VPS54: variants seen among roughly 807,000 people sequenced by gnomAD.
The protein encoded by VPS54 is VPS54 subunit of GARP complex.
A neutral mutation model predicts 121.5 loss-of-function variants in VPS54; 45 were observed. The ratio of observed to expected loss-of-function variants is 0.37; its 90% confidence interval spans 0.29 to 0.47. The LOEUF (loss-of-function observed/expected upper bound fraction) is 0.47. Among genes scored for constraint, VPS54 ranks in the 20% least tolerant of loss-of-function variants. The probability of loss-of-function intolerance (pLI) is 0.99; values close to 1 mark genes in which losing one functional copy is unlikely to be tolerated. For synonymous variants in VPS54, 371 were observed against 385.8 expected, an observed-to-expected ratio of 0.96 and a Z score of 0.45; for missense variants, 1,090 against 1,131.4, an observed-to-expected ratio of 0.96 and a Z score of 0.52.
chr2:63,916,862 T>C (rs1188195546), intron 16 of VPS54, 38 bp downstream of exon 16: 1 of 1,599,484 alleles, frequency 6.3e-7, no homozygotes. Flanking sequence ...GTGTTTTAAA[T>C]AGTTGACTCA....
intron 12 of VPS54, among the ~76,000 whole-genome samples, chr2:63,925,972 T>C (rs1286699870): frequency 6.6e-6 from 1 of 152,256 alleles, no homozygotes; most frequent in Non-Finnish European, 1.5e-5. Flanking sequence ...ATGTGCCTTA[T>C]GTTCCAAATG....
chr2:64,012,287 A>C (rs1678464975), intron 1 of VPS54, among the ~76,000 whole-genome samples: 7 of 152,036 alleles, frequency 4.6e-5, no homozygotes, highest in African/African-American at 1.7e-4. Context: ...TTACAAATTT[A>C]TGAGTTCCAA....
At chr2:63,975,480 C>G (rs987828222) in intron 3 of VPS54, 3 of 155,446 alleles carry the variant, frequency 1.9e-5, no homozygotes, top group African/African-American at 4.8e-5. Context: ...GACCCTCCCC[C>G]TAAACTGCTC....
At chr2:63,903,033 T>G (rs1164519103) in intron 20 of VPS54, among the ~76,000 whole-genome samples, 1 of 149,764 alleles carries the variant, frequency 6.7e-6, no homozygotes, top group Non-Finnish European at 1.5e-5. Context: ...ATAAAATAAC[T>G]GATTAACATG....
At chr2:63,913,000 A>T (rs1673219733) in intron 18 of VPS54, among the ~76,000 whole-genome samples, 1 of 152,180 alleles carries the variant, frequency 6.6e-6, no homozygotes, top group South Asian at 2.1e-4. Flanking sequence ...GAGTGGTGTA[A>T]CTTCCAAGTA....
Position 63,892,292 on chromosome 2 carries a change from C to T in VPS54, c.*1138G>A, listed in dbSNP as rs1272737171. 3 of 152,020 alleles carry T rather than the reference C, an allele frequency of 2.0e-5. No homozygotes were observed. The East Asian group carries it at 5.8e-4, about 29-fold the overall frequency. 9.4% of individuals were successfully genotyped at this position (152,020 alleles called of 1,614,324 possible). Reference sequence around the variant, plus strand: ...ACTGTTTCATTATACATAATCACCACAGGATATTAGGCACTCTGACAGGGT... The same window carrying T: ...ACTGTTTCATTATACATAATCACCATAGGATATTAGGCACTCTGACAGGGT... On this transcript the variant is annotated 3_prime_UTR_variant, in exon 23 of 23. Coordinates refer to ENST00000272322, the MANE Select transcript of VPS54 (RefSeq NM_016516.3).
intron 1 of VPS54, among the ~76,000 whole-genome samples, chr2:63,991,635 C>G (rs561057747): frequency 6.6e-6 from 1 of 152,156 alleles, no homozygotes; most frequent in African/African-American, 2.4e-5. Context: ...TTGCTCACGT[C>G]GTCGCAAGGT....
intron 1 of VPS54, among the ~76,000 whole-genome samples, chr2:63,998,251 C>T (rs1297808916): frequency 6.6e-6 from 1 of 152,012 alleles, no homozygotes; most frequent in Non-Finnish European, 1.5e-5. Flanking sequence ...TGTCTGATAA[C>T]TACTAGAGAA....
At chr2:63,903,543 T>G (rs926706005) in intron 20 of VPS54, among the ~76,000 whole-genome samples, 4 of 152,112 alleles carry the variant, frequency 2.6e-5, no homozygotes, top group Admixed American at 6.6e-5. Context: ...AAAAGATAAC[T>G]GATAATCTAA....
At chr2:63,897,160 A>C (rs1672478636) in intron 22 of VPS54, among the ~76,000 whole-genome samples, 1 of 152,234 alleles carries the variant, frequency 6.6e-6, no homozygotes, top group South Asian at 2.1e-4. Context: ...TGTGGCACAC[A>C]GGTTAAGTGA....
chr2:63,987,061 T>G (rs754048815), intron 1 of VPS54, among the ~76,000 whole-genome samples: 1 of 152,214 alleles, frequency 6.6e-6, no homozygotes, highest in African/African-American at 2.4e-5. Context: ...TGCAGAAGCT[T>G]TGTAACTTGA....
chr2:63,932,346 T>C (rs1296940560), intron 12 of VPS54, among the ~76,000 whole-genome samples: 2 of 152,222 alleles, frequency 1.3e-5, no homozygotes. Flanking sequence ...GATGAGTTCA[T>C]GTCCTTTGCA....
intron 7 of VPS54, among the ~76,000 whole-genome samples, chr2:63,951,413 T>C (rs540100959): frequency 2.0e-5 from 3 of 152,072 alleles, no homozygotes; most frequent in Non-Finnish European, 2.9e-5. Flanking sequence ...ATAAAAACCA[T>C]GCAAAAACTA....
intron 7 of VPS54, among the ~76,000 whole-genome samples, chr2:63,959,022 C>A (rs1466271888): frequency 6.6e-6 from 1 of 152,076 alleles, no homozygotes; most frequent in Non-Finnish European, 1.5e-5. Context: ...CAGCTTATAA[C>A]CTAATGCTTA....
chr2:63,909,784 G>C (rs1276941295), intron 20 of VPS54, among the ~76,000 whole-genome samples: 1 of 149,178 alleles, frequency 6.7e-6, no homozygotes, highest in Non-Finnish European at 1.5e-5. Context: ...GAGTGCAATG[G>C]TGCCATCTCG....
rs544940045 is a variant in VPS54 at position 63,895,036 on chromosome 2, A to C, written c.2829-1501T>G. Among the ~76,000 whole-genome samples, 30 of 152,236 alleles carry C rather than the reference A, an allele frequency of 2.0e-4. No homozygotes were observed. The South Asian group carries it at 5.8e-3, about 29-fold the overall frequency. On this transcript the variant is annotated intron_variant, in intron 22 of 22. Coordinates refer to ENST00000272322, the MANE Select transcript of VPS54 (RefSeq NM_016516.3). ...TGAATACCATTTTAAAAATACAATA[A>C]ATATTTTTTTCAAGAGAAAATGACA... is the stretch of plus-strand genomic sequence containing the variant.
intron 12 of VPS54, among the ~76,000 whole-genome samples, chr2:63,927,260 C>T (rs1436106022): frequency 6.6e-6 from 1 of 152,162 alleles, no homozygotes; most frequent in African/African-American, 2.4e-5. Context: ...CAGTAGGGGG[C>T]CGACAGACAC....
At chr2:63,906,223 A>G (rs911474156) in intron 20 of VPS54, among the ~76,000 whole-genome samples, 3 of 152,236 alleles carry the variant, frequency 2.0e-5, no homozygotes, top group Admixed American at 6.5e-5. Flanking sequence ...ACAGATTGAA[A>G]AAGATGCAAG....
chr2:63,922,702 C>T (rs562631003), intron 12 of VPS54, among the ~76,000 whole-genome samples: 34 of 152,168 alleles, frequency 2.2e-4, no homozygotes, highest in African/African-American at 5.1e-4. Context: ...TCCTCTGCTC[C>T]GACATTTCTA....
Sources: allele counts gnomAD v4.1 joint callset (sites outside exome capture counted in the v4.1 genomes callset), GRCh38; gene constraint gnomAD v4.1.1; transcripts MANE v1.5; gene names NCBI Gene and HGNC (gene_info 2026-07-23, HGNC 2026-07-21).